The following GALNT13 variants were observed in gnomAD, a reference collection of about 807,000 sequenced individuals.
GALNT13 encodes UDP-GalNAc:polypeptide N-acetylgalactosaminyltransferase 13.
Under a neutral mutation model 64.2 loss-of-function variants are expected in GALNT13, and 28 were observed. That is an observed-to-expected ratio of 0.44 (90% CI 0.32 to 0.60). GALNT13 has a LOEUF of 0.60. Ranked by LOEUF, GALNT13 falls within the 20% of genes least tolerant of loss-of-function variation. The probability of loss-of-function intolerance (pLI) is 0.05; values close to 1 mark genes in which losing one functional copy is unlikely to be tolerated. For missense variants in GALNT13, 577 were observed against 669.8 expected, an observed-to-expected ratio of 0.86 and a Z score of 1.53; for synonymous variants, 214 against 224.6, an observed-to-expected ratio of 0.95 and a Z score of 0.42.
Position 154,039,258 on chromosome 2 carries a change from G to GGATTACTTCTTTACCCTAGTCCTTATC in GALNT13, c.142+94619_142+94620insGATTACTTCTTTACCCTAGTCCTTATC, listed in dbSNP as rs1558924719. 3.6e-4 allele frequency among the ~76,000 whole-genome samples: 51 copies of GGATTACTTCTTTACCCTAGTCCTTATC among 143,518 alleles called. 1 individual carries two copies. Among genetic ancestry groups the GGATTACTTCTTTACCCTAGTCCTTATC allele is most frequent in the South Asian group, 4.4e-4 (2 of 4,584 alleles). 94.2% of individuals were successfully genotyped at this position (143,518 alleles called of 152,430 possible). On this transcript the variant is annotated intron_variant, in intron 3 of 12. Transcript: ENST00000392825. ...ATATGATCCAGTAATCCCACTAATG[G>GGATTACTTCTTTACCCTAGTCCTTATC]ATATTTATCCAAATGAAAATAAATC... is the stretch of plus-strand genomic sequence containing the variant.
the GALNT13 span, among the ~76,000 whole-genome samples, chr2:153,533,199 G>T: frequency 6.6e-6 from 1 of 152,048 alleles, no homozygotes; most frequent in Non-Finnish European, 1.5e-5. Flanking sequence ...TATAATGATA[G>T]GCCTAGGTGT....
chr2:153,673,754 A>G, the GALNT13 span, among the ~76,000 whole-genome samples: 3 of 152,200 alleles, frequency 2.0e-5, no homozygotes. Context: ...TTAGGAAAAG[A>G]GGAAGTCAAA....
chr2:153,405,244 T>A, the GALNT13 span, among the ~76,000 whole-genome samples: 1 of 152,218 alleles, frequency 6.6e-6, no homozygotes, highest in African/African-American at 2.4e-5. Context: ...AGTCTGAACC[T>A]ATGTGAAGAT....
chr2:154,310,658 C>T (rs1270010578), intron 9 of GALNT13, among the ~76,000 whole-genome samples: 2 of 151,928 alleles, frequency 1.3e-5, no homozygotes, highest in Non-Finnish European at 2.9e-5. Flanking sequence ...TTACAGAAAC[C>T]CTCCTGTAAC....
chr2:153,339,093 G>C, the GALNT13 span, among the ~76,000 whole-genome samples: 6 of 152,302 alleles, frequency 3.9e-5, no homozygotes, highest in South Asian at 6.2e-4. Flanking sequence ...TGAGAATGCA[G>C]ATATGTCTTG....
chr2:154,005,331 C>A (rs114672571), intron 3 of GALNT13, among the ~76,000 whole-genome samples: 2 of 151,820 alleles, frequency 1.3e-5, no homozygotes, highest in Admixed American at 6.6e-5. Context: ...TTATTTGTTG[C>A]GAATTTTATT....
chr2:154,090,666 T>C (rs1044744926), intron 3 of GALNT13, among the ~76,000 whole-genome samples: 2 of 152,048 alleles, frequency 1.3e-5, no homozygotes. Flanking sequence ...TCGCTTCAGA[T>C]ATTCAACTCA....
intron 4 of GALNT13, among the ~76,000 whole-genome samples, chr2:154,238,334 T>C (rs1160621752): frequency 6.6e-6 from 1 of 152,026 alleles, no homozygotes; most frequent in Non-Finnish European, 1.5e-5. Flanking sequence ...GATTCATAAG[T>C]CGAGCATAAC....
rs1683191367 is a variant in GALNT13 at position 154,140,380 on chromosome 2, A to G, written c.186A>G (p.Lys62=). The G allele has an allele frequency of 6.2e-7, 1 of 1,613,242 alleles. No individual in the cohort carries two copies. The change falls in exon 4 of 13, where the codon AAA becomes AAG. Residue 62 remains lysine, a synonymous_variant. Coordinates refer to ENST00000392825, the MANE Select transcript of GALNT13 (RefSeq NM_052917.4). ...AAGAAGGGCCAGGAGAAATGGGAAA[A>G]GCTGTGTTGATTCCTAAAGATGACC... is the stretch of plus-strand genomic sequence containing the variant. ...RNQEGPGEMG[K]AVLIPKDDQE...
intron 9 of GALNT13, among the ~76,000 whole-genome samples, chr2:154,318,612 C>A (rs969608100): frequency 1.3e-5 from 2 of 151,782 alleles, no homozygotes; most frequent in Non-Finnish European, 2.9e-5. Flanking sequence ...GTAATCCCAG[C>A]TACTTGGGAA....
intron 12 of GALNT13, among the ~76,000 whole-genome samples, chr2:154,444,277 C>T (rs2105488701): frequency 6.6e-6 from 1 of 152,118 alleles, no homozygotes; most frequent in Admixed American, 6.6e-5. Context: ...AATTACTATA[C>T]TTTTTGAAAG....
At chr2:153,910,352 C>A (rs1170711859) in intron 2 of GALNT13, among the ~76,000 whole-genome samples, 1 of 151,986 alleles carries the variant, frequency 6.6e-6, no homozygotes, top group Non-Finnish European at 1.5e-5. Flanking sequence ...TAGCTAGTTT[C>A]TATCCATCTT....
intron 8 of GALNT13, among the ~76,000 whole-genome samples, chr2:154,292,158 G>A (rs1339855234): frequency 6.6e-6 from 1 of 151,950 alleles, no homozygotes; most frequent in Non-Finnish European, 1.5e-5. Context: ...TGGCATGTAC[G>A]GGTCTTTCAT....
chr2:153,836,288 G>T, the GALNT13 span, among the ~76,000 whole-genome samples: 13 of 152,048 alleles, frequency 8.5e-5, no homozygotes, highest in East Asian at 2.3e-3. Flanking sequence ...CCATAATTAA[G>T]CTTATTATCA....
intron 11 of GALNT13, among the ~76,000 whole-genome samples, chr2:154,412,930 C>A (rs562285671): frequency 2.0e-5 from 3 of 151,932 alleles, no homozygotes; most frequent in East Asian, 1.9e-4. Context: ...TCATGATAAT[C>A]ATTAACACTT....
chr2:153,414,614 C>T, the GALNT13 span, among the ~76,000 whole-genome samples: 1 of 150,990 alleles, frequency 6.6e-6, no homozygotes, highest in Non-Finnish European at 1.5e-5. Flanking sequence ...GGTCCTAGGA[C>T]CTGATCTGTA....
the GALNT13 span, among the ~76,000 whole-genome samples, chr2:153,264,602 C>T: frequency 6.6e-6 from 1 of 152,174 alleles, no homozygotes; most frequent in Non-Finnish European, 1.5e-5. Flanking sequence ...GAATACTATT[C>T]AGCCATAAAA....
chr2:154,190,664 C>T lies in GALNT13; in HGVS notation c.311+50159C>T, dbSNP rs545315808. Reference sequence around the variant, plus strand: ...TTTCCTCATTAACCTAATCAAACACCATAAGTGCAGTTGTTTAGCATTGCA... The same window carrying T: ...TTTCCTCATTAACCTAATCAAACACTATAAGTGCAGTTGTTTAGCATTGCA... On this transcript the variant is annotated intron_variant, in intron 4 of 12. Transcript: ENST00000392825. 8.5e-5 allele frequency among the ~76,000 whole-genome samples: 13 copies of T among 152,200 alleles called. 1 individual carries two copies. The South Asian group carries it at 2.5e-3, about 29-fold the overall frequency.
At chr2:154,368,705 A>C (rs769059066) in intron 9 of GALNT13, among the ~76,000 whole-genome samples, 3 of 152,138 alleles carry the variant, frequency 2.0e-5, no homozygotes, top group African/African-American at 2.4e-5. Flanking sequence ...ACTAAAATGA[A>C]GTTAACATCT....
Sources: allele counts gnomAD v4.1 joint callset (sites outside exome capture counted in the v4.1 genomes callset), GRCh38; gene constraint gnomAD v4.1.1; transcripts MANE v1.5; gene names NCBI Gene and HGNC (gene_info 2026-07-23, HGNC 2026-07-21).